Variants in ATP8A2 observed in about 807,000 individuals in gnomAD.
ATP8A2 encodes the protein phospholipid-transporting ATPase IB.
Under a neutral mutation model 165.6 loss-of-function variants are expected in ATP8A2, and 100 were observed. The observed-to-expected ratio is 0.60, with a 90% confidence interval of 0.51 to 0.71. The LOEUF is 0.71. Among genes scored for constraint, ATP8A2 ranks in the 30% least tolerant of loss-of-function variants. ATP8A2 has a pLI of 0.00. For synonymous variants in ATP8A2, 543 were observed against 548.8 expected (o/e 0.99, Z 0.15); for missense variants, 1,227 against 1,479.5 (o/e 0.83, Z 2.80).
chr13:25,831,772 G>C (rs888829016), intron 28 of ATP8A2, among the ~76,000 whole-genome samples: 3 of 151,424 alleles, frequency 2.0e-5, no homozygotes, highest in Non-Finnish European at 2.9e-5. Flanking sequence ...GAACCCGGGA[G>C]GCGGAGGTTG....
chr13:25,592,002 A>G (rs2040095435), intron 24 of ATP8A2, among the ~76,000 whole-genome samples: 1 of 143,156 alleles, frequency 7.0e-6, no homozygotes, highest in Non-Finnish European at 1.5e-5. Flanking sequence ...ATGGTTTGTG[A>G]TTTTTCCATA....
intron 29 of ATP8A2, 123 bp downstream of exon 29, chr13:25,837,408 C>T (rs1593426485): frequency 2.9e-6 from 2 of 701,152 alleles, no homozygotes; most frequent in East Asian, 6.4e-5. Context: ...AAAACATGAT[C>T]CACTCACCCC....
At chr13:25,468,840 G>C in intron 1 of ATP8A2, 137 bp from the exon 2 acceptor site, 2 of 1,367,426 alleles carry the variant, frequency 1.5e-6, no homozygotes, top group South Asian at 1.7e-5. Context: ...GGGGAGCCAA[G>C]GTACGTAGGC....
intron 2 of ATP8A2, among the ~76,000 whole-genome samples, chr13:25,506,959 A>ATATATATATC (rs965878307): frequency 2.7e-5 from 4 of 145,946 alleles, no homozygotes; most frequent in Non-Finnish European, 6.0e-5. Flanking sequence ...ATATATATAT[A>ATATATATATC]TATCTTATTT....
intron 30 of ATP8A2, among the ~76,000 whole-genome samples, chr13:25,854,100 T>A (rs10467674): frequency 0.13 from 20,244 of 152,190 alleles, 1,601 homozygotes; most frequent in Non-Finnish European, 0.18. Context: ...CTCCACCTCA[T>A]GTTTTCTTTG....
chr13:25,559,026 C>CT lies in ATP8A2; in HGVS notation c.1320dup (p.Lys441Ter). ...GAACGCTTACATGCAATATCATGAA[C>CT]TTTAAGAAGTGCAGCATTGCCGGAG... On this transcript the variant is annotated frameshift_variant, in exon 14 of 37. Transcript: ENST00000381655. LOFTEE classifies it high-confidence loss of function. The CT allele has an allele frequency of 6.2e-7, 1 of 1,612,792 alleles. No homozygotes were observed. Among genetic ancestry groups the CT allele is most frequent in the Non-Finnish European group, 8.5e-7 (1 of 1,179,304 alleles).
At chr13:25,847,387 T>A (rs1327213440) in intron 30 of ATP8A2, among the ~76,000 whole-genome samples, 1 of 152,256 alleles carries the variant, frequency 6.6e-6, no homozygotes. Flanking sequence ...GCTGTTTTCC[T>A]GTATTGTGAC....
intron 2 of ATP8A2, among the ~76,000 whole-genome samples, chr13:25,481,389 G>A (rs2036196007): frequency 1.3e-5 from 2 of 152,218 alleles, no homozygotes; most frequent in Admixed American, 6.5e-5. Flanking sequence ...AGTTCTAGGA[G>A]CCCTCCTGAG....
At chr13:26,012,688 G>A in intron 36 of ATP8A2, 66 bp downstream of exon 36, 3 of 1,027,498 alleles carry the variant, frequency 2.9e-6, no homozygotes, top group Non-Finnish European at 3.9e-6. Context: ...TTGATGAGGA[G>A]TTGGGGGAGC....
intron 25 of ATP8A2, among the ~76,000 whole-genome samples, chr13:25,744,798 C>A (rs1303825267): frequency 2.0e-5 from 3 of 152,114 alleles, no homozygotes; most frequent in Non-Finnish European, 2.9e-5. Context: ...AGTTTCTTAT[C>A]GTTGCTAATT....
intron 2 of ATP8A2, among the ~76,000 whole-genome samples, chr13:25,516,323 G>T (rs1381975351): frequency 6.6e-6 from 1 of 152,090 alleles, no homozygotes; most frequent in Admixed American, 6.6e-5. Flanking sequence ...GAAAAGGATG[G>T]GTTTAGGCCC....
intron 25 of ATP8A2, among the ~76,000 whole-genome samples, chr13:25,747,505 C>G (rs2044058874): frequency 6.6e-6 from 1 of 152,120 alleles, no homozygotes; most frequent in Non-Finnish European, 1.5e-5. Context: ...TTCCACATAC[C>G]TGATAACTCT....
intron 2 of ATP8A2, among the ~76,000 whole-genome samples, chr13:25,478,570 T>G (rs574005080): frequency 3.3e-5 from 5 of 152,352 alleles, no homozygotes; most frequent in Non-Finnish European, 5.9e-5. Context: ...GAAAGCCAGC[T>G]CTTCAAAACT....
chr13:25,603,770 A>G (rs1018903184), intron 24 of ATP8A2, among the ~76,000 whole-genome samples: 1 of 152,182 alleles, frequency 6.6e-6, no homozygotes, highest in Admixed American at 6.5e-5. Context: ...TGGAAGGATC[A>G]GGTTGCCATT....
intron 25 of ATP8A2, among the ~76,000 whole-genome samples, chr13:25,728,701 G>A (rs1467273865): frequency 6.6e-6 from 1 of 151,406 alleles, no homozygotes. Context: ...GGAGCACCGT[G>A]TCCCAGGTCA....
At chr13:25,456,985 G>T (rs2035379790) in intron 1 of ATP8A2, among the ~76,000 whole-genome samples, 1 of 152,182 alleles carries the variant, frequency 6.6e-6, no homozygotes, top group South Asian at 2.1e-4. Flanking sequence ...GCTAAAAAAA[G>T]AAAACAATCC....
chr13:25,695,471 T>C (rs530260498), intron 24 of ATP8A2, among the ~76,000 whole-genome samples: 1 of 152,346 alleles, frequency 6.6e-6, no homozygotes, highest in African/African-American at 2.4e-5. Flanking sequence ...ATCCATGGCA[T>C]GTGATGCCGT....
At chr13:25,457,183 C>T (rs978958948) in intron 1 of ATP8A2, among the ~76,000 whole-genome samples, 12 of 152,172 alleles carry the variant, frequency 7.9e-5, no homozygotes, top group African/African-American at 2.9e-4. Context: ...GCTACCACCG[C>T]TAAAGCCTGT....
intron 1 of ATP8A2, among the ~76,000 whole-genome samples, chr13:25,443,716 ATTTG>A (rs1356397871): frequency 6.6e-6 from 1 of 152,072 alleles, no homozygotes; most frequent in South Asian, 2.1e-4. Flanking sequence ...TGCATAAATT[ATTTG>A]TTTATTTTGT....
Sources: gnomAD v4.1 joint callset for allele counts (sites outside exome capture counted in the v4.1 genomes callset) on GRCh38, gnomAD v4.1.1 for gene constraint, MANE v1.5 for transcripts, NCBI Gene and HGNC (gene_info 2026-07-23, HGNC 2026-07-21) for gene names.